CFAP161: variants seen among roughly 807,000 people sequenced by gnomAD.
CFAP161 encodes cilia- and flagella-associated protein 161.
In CFAP161, 25 loss-of-function variants were observed where a neutral mutation model predicts 29.0. The ratio of observed to expected loss-of-function variants is 0.86; its 90% CI spans 0.63 to 1.20. CFAP161 has a LOEUF of 1.20. Ranked by LOEUF, CFAP161 falls within the 50% of genes most tolerant of loss-of-function variation. The pLI is 0.00. For synonymous variants in CFAP161, 116 were observed against 137.4 expected (o/e 0.84, Z 1.09); for missense variants, 367 against 371.9 (o/e 0.99, Z 0.11).
intron 1 of CFAP161, among the ~76,000 whole-genome samples, chr15:81,116,156 A>G (rs1009311719): frequency 6.6e-6 from 1 of 152,204 alleles, no homozygotes; most frequent in African/African-American, 2.4e-5. Context: ...TTCTTAGAGT[A>G]GGTTCCGTTA....
Position 81,119,418 on chromosome 15 carries a change from C to T in CFAP161, c.-141-8172C>T, listed in dbSNP as rs141947473. Among the ~76,000 whole-genome samples, 1,347 of 151,978 alleles carry T rather than the reference C, an allele frequency of 8.9e-3. 23 individuals carry two copies. Among genetic ancestry groups the T allele is most frequent in the African/African-American group, 0.028 (1,173 of 41,414 alleles). The stretch of plus-strand genomic sequence containing the variant: ...AATACTCATATTAATAAGATAGCCA[C>T]ACAAATACAGCTTTAGAAAACATTC... On this transcript the variant is annotated intron_variant, in intron 1 of 4. Coordinates refer to the CFAP161 transcript ENST00000560091.
At chr15:81,107,909 C>T (rs543925444) in intron 1 of CFAP161, among the ~76,000 whole-genome samples, 17 of 151,594 alleles carry the variant, frequency 1.1e-4, no homozygotes, top group Non-Finnish European at 1.8e-4. Context: ...CTCCTTTCCT[C>T]CCCTCTTATC....
At chr15:81,112,253 T>C (rs1454955927) in intron 1 of CFAP161, among the ~76,000 whole-genome samples, 12 of 152,162 alleles carry the variant, frequency 7.9e-5, no homozygotes, top group Non-Finnish European at 1.6e-4. Context: ...ACAAGAACTT[T>C]TAAACTTTCC....
rs1894904021 is a variant in CFAP161, at chr15:81,141,307, A to G, written c.478-2355A>G. The stretch of plus-strand genomic sequence containing the variant: ...CTTGTATTTTCAGATGCTATTGTAG[A>G]GAGGTCCTTTTGATAGAATAAGGAT... On this transcript the variant is annotated intron_variant, in intron 4 of 6. Coordinates refer to ENST00000286732, the MANE Select transcript of CFAP161 (RefSeq NM_173528.4). 3.3e-5 allele frequency among the ~76,000 whole-genome samples: 5 copies of G among 152,184 alleles called. 1 individual carries two copies. In the South Asian group the frequency reaches 1.0e-3, roughly 32 times the overall value.
At position 81,109,682 on chromosome 15, in the gene CFAP161, T is replaced by C. The variant is rs542554099; in HGVS notation, c.-141-17908T>C. On this transcript the variant is annotated intron_variant, in intron 1 of 4. Transcript: ENST00000560091. ...TTGCACCATGGCACCCCAACCTAGA[T>C]GACAGGGTAAGACCTTATCTCAAAA... is the stretch of plus-strand genomic sequence containing the variant. Among the ~76,000 whole-genome samples the C allele has an allele frequency of 3.9e-5, 6 of 152,276 alleles. No homozygotes were observed. The East Asian group carries it at 1.2e-3, about 29-fold the overall frequency.
intron 4 of CFAP161, among the ~76,000 whole-genome samples, chr15:81,143,319 A>G (rs1321537702): frequency 4.0e-5 from 6 of 151,520 alleles, no homozygotes; most frequent in Admixed American, 6.6e-5. Context: ...TCAAAACAAA[A>G]CAAAACAAAA....
At chr15:81,120,768 A>AT (rs1371626663) in intron 1 of CFAP161, among the ~76,000 whole-genome samples, 1 of 152,264 alleles carries the variant, frequency 6.6e-6, no homozygotes, top group African/African-American at 2.4e-5. Context: ...GAACTTATAT[A>AT]AATCTGAGAA....
chr15:81,111,241 A>T (rs1471480801), intron 1 of CFAP161, among the ~76,000 whole-genome samples: 1 of 152,192 alleles, frequency 6.6e-6, no homozygotes, highest in Non-Finnish European at 1.5e-5. Flanking sequence ...GGGGACCATG[A>T]GTATCTTATT....
intron 4 of CFAP161, among the ~76,000 whole-genome samples, chr15:81,140,917 T>C (rs1191728670): frequency 1.3e-5 from 2 of 152,120 alleles, no homozygotes; most frequent in African/African-American, 4.8e-5. Context: ...AGGACTATAG[T>C]GTCTTAATTA....
At chr15:81,108,071 G>A (rs375977185) in intron 1 of CFAP161, among the ~76,000 whole-genome samples, 3 of 152,096 alleles carry the variant, frequency 2.0e-5, no homozygotes, top group East Asian at 1.9e-4. Context: ...AGAAGCTGAC[G>A]GTTTGGGGAA....
chr15:81,111,230 C>T (rs1894436216), intron 1 of CFAP161, among the ~76,000 whole-genome samples: 2 of 152,166 alleles, frequency 1.3e-5, no homozygotes, highest in African/African-American at 2.4e-5. Context: ...TCCACAAAGG[C>T]GGGGACCATG....
chr15:81,133,219 ATATATG>A (rs1165168874), upstream of CFAP161, among the ~76,000 whole-genome samples: 530 of 29,258 alleles, frequency 0.018, 47 homozygotes, highest in Middle Eastern at 0.036. Flanking sequence ...ATATATATAT[ATATATG>A]TATTTTTTTT....
intron 1 of CFAP161, among the ~76,000 whole-genome samples, chr15:81,104,554 C>A (rs533269193): frequency 6.6e-6 from 1 of 152,332 alleles, no homozygotes; most frequent in South Asian, 2.1e-4. Context: ...AAGGGAGTTA[C>A]AAGGCATCCT....
intron 1 of CFAP161, among the ~76,000 whole-genome samples, chr15:81,121,945 T>C (rs1327709060): frequency 2.0e-5 from 3 of 152,258 alleles, no homozygotes; most frequent in Admixed American, 6.5e-5. Flanking sequence ...TAGCTCCTGC[T>C]TATGAGTGAG....
chr15:81,120,413 A>G (rs2663930), intron 1 of CFAP161, among the ~76,000 whole-genome samples: 86,963 of 152,026 alleles, frequency 0.57, 26,135 homozygotes, highest in Non-Finnish European at 0.68. Context: ...TTGCTTTTCT[A>G]GACCTCCAAA....
chr15:81,136,800 G>T (rs748755771), intron 3 of CFAP161, 52 bp downstream of exon 3: 2 of 1,481,044 alleles, frequency 1.4e-6, no homozygotes. Context: ...TGTTTCACTT[G>T]TAGCTTAAAG....
intron 4 of CFAP161, among the ~76,000 whole-genome samples, chr15:81,140,271 A>C (rs575649830): frequency 6.6e-6 from 1 of 152,282 alleles, no homozygotes; most frequent in African/African-American, 2.4e-5. Flanking sequence ...TGCTTCAGAG[A>C]TCTGATAAAA....
At chr15:81,144,821 G>A (rs1239702895) in intron 5 of CFAP161, among the ~76,000 whole-genome samples, 1 of 151,676 alleles carries the variant, frequency 6.6e-6, no homozygotes, top group Non-Finnish European at 1.5e-5. Context: ...AGCTTAGGGA[G>A]TCTTGGAGAA....
intron 1 of CFAP161, chr15:81,118,298 TC>T: frequency 2.0e-6 from 1 of 499,024 alleles, no homozygotes; most frequent in Non-Finnish European, 3.8e-6. Context: ...CTCTCAATTT[TC>T]CAGTCATTTG....
Sources: allele counts gnomAD v4.1 joint callset (sites outside exome capture counted in the v4.1 genomes callset), GRCh38; gene constraint gnomAD v4.1.1; transcripts MANE v1.5; gene names NCBI Gene and HGNC (gene_info 2026-07-23, HGNC 2026-07-21).